PAPPA: variants seen among roughly 807,000 people sequenced by gnomAD.
The protein encoded by PAPPA is pappalysin 1.
A neutral mutation model predicts 164.0 loss-of-function variants in PAPPA; 60 were observed. The ratio of observed to expected loss-of-function variants is 0.37; its 90% CI spans 0.30 to 0.45. The LOEUF (loss-of-function observed/expected upper bound fraction) is 0.45, where lower values mean the gene tolerates loss of function less well. Among genes scored for constraint, PAPPA ranks in the 20% least tolerant of loss-of-function variants. PAPPA has a pLI of 1.00. For synonymous variants in PAPPA, 875 were observed against 814.1 expected (o/e 1.07, Z -1.27); for missense variants, 1,782 against 2,087.3 (o/e 0.85, Z 2.85).
At chr9:116,378,841 A>G (rs1419943661) in intron 20 of PAPPA, among the ~76,000 whole-genome samples, 1 of 152,110 alleles carries the variant, frequency 6.6e-6, no homozygotes, top group Non-Finnish European at 1.5e-5. Flanking sequence ...CCATTCCCTG[A>G]TCTGTGTCAC....
intron 17 of PAPPA, among the ~76,000 whole-genome samples, chr9:116,361,240 C>T (rs1326494672): frequency 1.3e-5 from 2 of 152,198 alleles, no homozygotes; most frequent in Non-Finnish European, 2.9e-5. Context: ...CAGCCAGCTC[C>T]TCTGGCCTCA....
intron 15 of PAPPA, among the ~76,000 whole-genome samples, chr9:116,351,313 A>G (rs1304159937): frequency 6.6e-6 from 1 of 152,252 alleles, no homozygotes. Context: ...AGATTCTTTC[A>G]GAGCTACTAA....
intron 9 of PAPPA, among the ~76,000 whole-genome samples, chr9:116,301,462 A>G (rs2118888567): frequency 6.6e-6 from 1 of 152,352 alleles, no homozygotes; most frequent in East Asian, 1.9e-4. Context: ...GGAAAATAGC[A>G]CAGAAGAGCT....
intron 11 of PAPPA, among the ~76,000 whole-genome samples, 181 bp downstream of exon 11, chr9:116,331,538 G>GC (rs1845991504): frequency 1.3e-5 from 2 of 152,198 alleles, no homozygotes; most frequent in South Asian, 4.1e-4. Flanking sequence ...CTCATGGAAT[G>GC]CCCCCACTGA....
intron 14 of PAPPA, among the ~76,000 whole-genome samples, chr9:116,346,210 A>C (rs1304640918): frequency 6.6e-6 from 1 of 152,202 alleles, no homozygotes; most frequent in Non-Finnish European, 1.5e-5. Flanking sequence ...TCCTTGAATG[A>C]AAGCCTCCAG....
intron 21 of PAPPA, among the ~76,000 whole-genome samples, chr9:116,389,191 G>A (rs1193158018): frequency 6.8e-6 from 1 of 148,044 alleles, no homozygotes; most frequent in Non-Finnish European, 1.5e-5. Context: ...GGAGTGCAGT[G>A]GCATAATCTT....
chr9:116,204,088 C>T (rs983636121), intron 2 of PAPPA, among the ~76,000 whole-genome samples: 6 of 152,124 alleles, frequency 3.9e-5, no homozygotes, highest in African/African-American at 1.4e-4. Context: ...ATGGGGGGCT[C>T]ACATTTTCTA....
intron 3 of PAPPA, 91 bp from the exon 4 acceptor site, chr9:116,211,548 C>A: frequency 1.8e-6 from 2 of 1,113,016 alleles, no homozygotes; most frequent in Non-Finnish European, 1.3e-6. Flanking sequence ...TTATTTTGGG[C>A]AGCATCTCTT....
intron 7 of PAPPA, among the ~76,000 whole-genome samples, chr9:116,263,834 C>G (rs1845032314): frequency 1.3e-5 from 2 of 152,134 alleles, no homozygotes; most frequent in Admixed American, 1.3e-4. Context: ...AAAACATTCA[C>G]AAATATTAGC....
chr9:116,158,046 T>C (rs1389671480), intron 1 of PAPPA, among the ~76,000 whole-genome samples: 2 of 152,134 alleles, frequency 1.3e-5, no homozygotes, highest in Non-Finnish European at 2.9e-5. Flanking sequence ...ACTGCCCTCC[T>C]CCCACCCCTG....
intron 8 of PAPPA, among the ~76,000 whole-genome samples, chr9:116,267,814 G>T (rs1845086599): frequency 6.9e-6 from 1 of 145,028 alleles, no homozygotes; most frequent in East Asian, 2.3e-4. Context: ...AGCGGAGCTT[G>T]CAGTGAGCCG....
chr9:116,374,195 T>C (rs551121621), intron 19 of PAPPA, among the ~76,000 whole-genome samples: 2 of 111,642 alleles, frequency 1.8e-5, no homozygotes, highest in East Asian at 4.8e-4. Context: ...GTGGTGATGA[T>C]GATGGTGGTG....
intron 12 of PAPPA, chr9:116,332,783 C>T (rs1324932236): frequency 1.8e-5 from 4 of 221,030 alleles, no homozygotes; most frequent in East Asian, 9.6e-5. Context: ...GCCATTTCCC[C>T]GTTGTACATG....
chr9:116,248,287 A>C (rs1844820284), intron 7 of PAPPA, among the ~76,000 whole-genome samples: 1 of 152,226 alleles, frequency 6.6e-6, no homozygotes, highest in Non-Finnish European at 1.5e-5. Flanking sequence ...GGATCAGGAG[A>C]CCTGGATTCT....
chr9:116,245,573 G>A (rs1356527174), intron 7 of PAPPA, among the ~76,000 whole-genome samples: 1 of 152,186 alleles, frequency 6.6e-6, no homozygotes, highest in African/African-American at 2.4e-5. Context: ...AGGACTTGGT[G>A]ATAGATTGGA....
chr9:116,357,023 G>A (rs762329753), intron 17 of PAPPA, among the ~76,000 whole-genome samples: 1 of 152,198 alleles, frequency 6.6e-6, no homozygotes, highest in Non-Finnish European at 1.5e-5. Flanking sequence ...AGGATGTGGA[G>A]TAGAGAGACC....
At chr9:116,280,158 G>A (rs145985788) in intron 9 of PAPPA, among the ~76,000 whole-genome samples, 21 of 152,264 alleles carry the variant, frequency 1.4e-4, no homozygotes, top group Admixed American at 1.0e-3. Context: ...CATTCATTTA[G>A]TTCATATTTT....
chr9:116,251,403 C>T (rs997732561), intron 7 of PAPPA, among the ~76,000 whole-genome samples: 3 of 152,158 alleles, frequency 2.0e-5, no homozygotes, highest in East Asian at 1.9e-4. Flanking sequence ...GTGCCAAATT[C>T]GAAAATGCTG....
At chr9:116,243,365 T>C (rs906618856) in intron 7 of PAPPA, among the ~76,000 whole-genome samples, 1 of 152,230 alleles carries the variant, frequency 6.6e-6, no homozygotes, top group Admixed American at 6.5e-5. Flanking sequence ...CTAACATTAC[T>C]GCTAACAATA....
Sources: allele counts gnomAD v4.1 joint callset (sites outside exome capture counted in the v4.1 genomes callset), GRCh38; gene constraint gnomAD v4.1.1; transcripts MANE v1.5; gene names NCBI Gene and HGNC (gene_info 2026-07-23, HGNC 2026-07-21).